GRHL1: variants seen among roughly 807,000 people sequenced by gnomAD.
The protein encoded by GRHL1 is grainyhead like transcription factor 1, also known as grainyhead-like protein 1 homolog.
GRHL1 carries 38 observed loss-of-function variants against 75.7 expected under a neutral mutation model. The ratio of observed to expected loss-of-function variants is 0.50; its 90% confidence interval spans 0.39 to 0.66. The LOEUF is 0.66. GRHL1 is among the 30% of genes least tolerant of loss of function. The pLI is 0.00. For missense variants in GRHL1, 589 were observed against 767.5 expected (o/e 0.77, Z 2.75); for synonymous variants, 266 against 279.4 (o/e 0.95, Z 0.48).
At chr2:9,998,693 CACACATATATATACATATATATGT>C (rs1669070014) in intron 14 of GRHL1, among the ~76,000 whole-genome samples, 2 of 60,174 alleles carry the variant, frequency 3.3e-5, no homozygotes, top group South Asian at 4.4e-4. Flanking sequence ...TATATATGTA[CACACATATATATACATATATATGT>C]ACACACATAT....
At chr2:9,995,030 C>T (rs1668795476) in intron 12 of GRHL1, among the ~76,000 whole-genome samples, 1 of 152,192 alleles carries the variant, frequency 6.6e-6, no homozygotes, top group Non-Finnish European at 1.5e-5. Flanking sequence ...TTGGGTACCA[C>T]ACTCAGTCTC....
At chr2:9,979,261 G>A (rs1392405935) in intron 8 of GRHL1, among the ~76,000 whole-genome samples, 1 of 148,838 alleles carries the variant, frequency 6.7e-6, no homozygotes, top group African/African-American at 2.5e-5. Context: ...CTAAAGACAG[G>A]GTCTCACTCT....
chr2:9,996,493 C>T (rs1386933729), intron 14 of GRHL1, 92 bp downstream of exon 14: 1 of 902,746 alleles, frequency 1.1e-6, no homozygotes, highest in African/African-American at 1.6e-5. Context: ...GATCCAAATC[C>T]TTTGTCAGAC....
chr2:9,965,339 T>C lies in GRHL1; in HGVS notation c.1068T>C (p.Tyr356=). Residue 356 remains tyrosine, a synonymous_variant, in exon 8 of 16, where the codon TAT becomes TAC. Transcript: ENST00000324907. The part of the protein sequence containing the change: ...NTISNIEEIA[Y]NAISFTWDIN... ...TCAGTAACATCGAGGAGATTGCGTATAACGCCATTTCCTTCACATGGGACA... is the reference window on the plus strand; with the variant it reads ...TCAGTAACATCGAGGAGATTGCGTACAACGCCATTTCCTTCACATGGGACA... The C allele has an allele frequency of 6.2e-7, 1 of 1,612,300 alleles. No homozygotes were observed. The highest frequency in any genetic ancestry group is 8.5e-7 in the Non-Finnish European group (1 of 1,178,320).
At chr2:9,953,779 C>T (rs7581701) in intron 1 of GRHL1, among the ~76,000 whole-genome samples, 74,329 of 152,102 alleles carry the variant, frequency 0.49, 19,782 homozygotes, top group African/African-American at 0.71. Context: ...TTAAAATAGG[C>T]AGGTCACCTT....
At position 9,962,068 on chromosome 2, in the gene GRHL1, A is replaced by C. The variant is rs1029176458; in HGVS notation, c.670-387A>C. 2.0e-5 allele frequency among the ~76,000 whole-genome samples: 3 copies of C among 152,126 alleles called. No homozygotes were observed. In the South Asian group the frequency reaches 6.2e-4, roughly 31 times the overall value. On this transcript the variant is annotated intron_variant, in intron 4 of 15. Transcript: ENST00000324907. Reference sequence around the variant, plus strand: ...CTGAGAAAATGCACCACATCTCTTCAGCTGTGGTGTGAACTTGATGCTGTG... The same window carrying C: ...CTGAGAAAATGCACCACATCTCTTCCGCTGTGGTGTGAACTTGATGCTGTG...
At chr2:9,974,016 T>C (rs1423775967) in intron 8 of GRHL1, among the ~76,000 whole-genome samples, 1 of 152,200 alleles carries the variant, frequency 6.6e-6, no homozygotes, top group African/African-American at 2.4e-5. Flanking sequence ...CAGAACCGTT[T>C]GGGGTTCGCC....
chr2:9,972,120 G>A (rs574555337), intron 8 of GRHL1, among the ~76,000 whole-genome samples: 40 of 151,894 alleles, frequency 2.6e-4, no homozygotes, highest in African/African-American at 8.2e-4. Flanking sequence ...TGAAACTTGC[G>A]TTTTGTGAAA....
chr2:9,998,778 A>C, intron 14 of GRHL1, among the ~76,000 whole-genome samples, 187 bp from the exon 15 acceptor site: 1 of 42,316 alleles, frequency 2.4e-5, no homozygotes, highest in East Asian at 5.8e-4. Context: ...ACACACATAT[A>C]TACGTATATA....
intron 9 of GRHL1, among the ~76,000 whole-genome samples, chr2:9,989,250 T>G (rs1047241822): frequency 6.6e-6 from 1 of 152,224 alleles, no homozygotes. Flanking sequence ...GTGGGATTTT[T>G]ATTGCCTCTT....
chr2:9,977,839 T>C (rs1668013291), intron 8 of GRHL1, among the ~76,000 whole-genome samples: 1 of 152,078 alleles, frequency 6.6e-6, no homozygotes, highest in Non-Finnish European at 1.5e-5. Flanking sequence ...GGTGTATTAG[T>C]CCATTTTCAT....
At position 9,987,991 on chromosome 2, in the gene GRHL1, C is replaced by T. The variant is rs1668495167; in HGVS notation, c.1269+1709C>T. 1.3e-5 allele frequency among the ~76,000 whole-genome samples: 2 copies of T among 152,160 alleles called. No homozygotes were observed. Among genetic ancestry groups the T allele is most frequent in the Admixed American group, 6.5e-5 (1 of 15,280 alleles). On this transcript the variant is annotated intron_variant, in intron 9 of 15. Transcript: ENST00000324907. The surrounding 1 kb of genome is among the most constrained non-coding windows in gnomAD (Gnocchi z 4.2). ...GTTTGCTGTCAGAGGCCTGGTCTGT[C>T]ACCCTGGCTTTTGCATCAGGTACAC...
At position 9,990,866 on chromosome 2, in the gene GRHL1, G is replaced by C. The variant is rs981252693; in HGVS notation, c.1321+119G>C. 1 of 720,570 alleles carries C rather than the reference G, an allele frequency of 1.4e-6. No individual in the cohort carries two copies. Among genetic ancestry groups the C allele is most frequent in the East Asian group, 2.6e-5 (1 of 37,934 alleles). The allele number at this position is 720,570 out of a possible 1,614,324, so 44.6% of individuals were successfully genotyped here. On this transcript the variant is annotated intron_variant, in intron 10 of 15. Transcript: ENST00000324907. The surrounding 1 kb of genome is among the most constrained non-coding windows in gnomAD (Gnocchi z 4.2). ...AGTTTGCACGCAGAAGACAGTGGGT[G>C]TTCTTCCTGTTCTGCAGTGTGGCAC...
intron 3 of GRHL1, 69 bp downstream of exon 3, chr2:9,958,925 G>A (rs1667153083): frequency 6.3e-7 from 1 of 1,579,628 alleles, no homozygotes; most frequent in African/African-American, 1.3e-5. Context: ...CAGCAAAATG[G>A]GAGTTTGTTT....
intron 8 of GRHL1, among the ~76,000 whole-genome samples, chr2:9,981,581 T>C (rs1668199440): frequency 6.6e-6 from 1 of 152,208 alleles, no homozygotes; most frequent in East Asian, 1.9e-4. Flanking sequence ...GCTTTTACAC[T>C]ATTACTGCAG....
chr2:9,997,378 A>G (rs1252245738), intron 14 of GRHL1, among the ~76,000 whole-genome samples: 1 of 152,166 alleles, frequency 6.6e-6, no homozygotes, highest in Non-Finnish European at 1.5e-5. Flanking sequence ...TCTCTCAGCC[A>G]GGCGCCCCAA....
At chr2:9,973,444 G>A (rs749928219) in intron 8 of GRHL1, among the ~76,000 whole-genome samples, 2 of 152,210 alleles carry the variant, frequency 1.3e-5, no homozygotes, top group East Asian at 3.8e-4. Flanking sequence ...ATGATTAAGT[G>A]TCTGCTGTAT....
rs1173318728 is a variant in GRHL1, at chr2:10,001,978, T to G, written c.*1271T>G. The G allele has an allele frequency of 6.6e-6, 1 of 152,644 alleles. No homozygotes were observed. The highest frequency in any genetic ancestry group is 2.4e-5 in the African/African-American group (1 of 41,452). 9.5% of individuals were successfully genotyped at this position (152,644 alleles called of 1,614,324 possible). On this transcript the variant is annotated 3_prime_UTR_variant, in exon 16 of 16. Transcript: ENST00000324907. Reference sequence around the variant, plus strand: ...TGGCAGGGGAACATTTTGTACACATTTAAGTATATAAAAATACTAAAATAT... The same window carrying G: ...TGGCAGGGGAACATTTTGTACACATGTAAGTATATAAAAATACTAAAATAT...
intron 8 of GRHL1, among the ~76,000 whole-genome samples, chr2:9,978,206 G>A (rs908640707): frequency 6.6e-6 from 1 of 152,178 alleles, no homozygotes; most frequent in African/African-American, 2.4e-5. Flanking sequence ...GTCCTCACAG[G>A]GAGTTTGAGG....
Sources: allele counts gnomAD v4.1 joint callset (sites outside exome capture counted in the v4.1 genomes callset), GRCh38; gene constraint gnomAD v4.1.1; non-coding constraint Gnocchi (gnomAD v3.1); transcripts MANE v1.5; gene names NCBI Gene and HGNC (gene_info 2026-07-23, HGNC 2026-07-21).